Variants in THOP1 observed in about 807,000 individuals in gnomAD.
THOP1 encodes thimet oligopeptidase.
A neutral mutation model predicts 71.8 loss-of-function variants in THOP1; 49 were observed. That is an observed-to-expected ratio of 0.68 (90% CI 0.54 to 0.87). THOP1 has a LOEUF of 0.87. Ranked by LOEUF, THOP1 falls within the 40% of genes least tolerant of loss-of-function variation. THOP1 has a pLI of 0.00. For missense variants in THOP1, 843 were observed against 975.6 expected, an observed-to-expected ratio of 0.86 and a Z score of 1.81; for synonymous variants, 426 against 421.5, an observed-to-expected ratio of 1.01 and a Z score of -0.13.
Position 2,785,696 on chromosome 19 carries a change from C to G in THOP1, c.16+18C>G. On this transcript the variant is annotated intron_variant, in intron 1 of 12. Coordinates refer to ENST00000307741, the MANE Select transcript of THOP1 (RefSeq NM_003249.5). ...CCCCGCAGGTACCGACTACCCCGCT[C>G]GCCGGACCCGGGCGTCCCCTGCACC... 1 of 1,444,152 alleles carries G rather than the reference C, an allele frequency of 6.9e-7. No homozygotes were observed. The highest frequency in any genetic ancestry group is 9.2e-7 in the Non-Finnish European group (1 of 1,092,838). The allele number at this position is 1,444,152 out of a possible 1,614,324, so 89.5% of individuals were successfully genotyped here. A position where few individuals can be genotyped will look rare whatever the true frequency, so the allele number is the denominator to read the frequency against.
In THOP1 at chr19:2,807,776, G is replaced by A; in HGVS notation, c.1221G>A (p.Val407=). 6.5e-7 allele frequency: 1 copy of A among 1,533,430 alleles called. No homozygotes were observed. Among genetic ancestry groups the A allele is most frequent in the Non-Finnish European group, 8.8e-7 (1 of 1,137,486 alleles). The allele number at this position is 1,533,430 out of a possible 1,614,324, so 95.0% of individuals were successfully genotyped here. Residue 407 remains valine (V), a synonymous_variant, in exon 8 of 13, where the codon GTG becomes GTA. Coordinates refer to ENST00000307741, the MANE Select transcript of THOP1 (RefSeq NM_003249.5). ...YTARDAASGE[V]VGKFYLDLYP... is the part of the protein sequence containing the mutation. Reference sequence around the variant, plus strand: ...CGAGGGACGCGGCCTCGGGGGAGGTGGTCGGCAAGTTCTACCTGGACCTGT... The same window carrying A: ...CGAGGGACGCGGCCTCGGGGGAGGTAGTCGGCAAGTTCTACCTGGACCTGT...
At chr19:2,808,198 G>A (rs763993040) in intron 8 of THOP1, 45 bp from the exon 9 acceptor site, 165 of 1,526,502 alleles carry the variant, frequency 1.1e-4, no homozygotes, top group Middle Eastern at 4.2e-4. Flanking sequence ...GGACTCTTGC[G>A]GTGTCTCTAG....
Position 2,810,275 on chromosome 19 carries a change from C to T in THOP1, c.1456-29C>T, listed in dbSNP as rs112329923. ...GGGAACGGGCTAGGCAGGACCTGGG[C>T]ACTCTGAGGCTCTGCCCCATCCCTG... is the stretch of plus-strand genomic sequence containing the variant. On this transcript the variant is annotated intron_variant, in intron 9 of 12. Coordinates refer to ENST00000307741, the MANE Select transcript of THOP1 (RefSeq NM_003249.5). The T allele has an allele frequency of 8.5e-3, 13,567 of 1,602,986 alleles. 919 individuals carry two copies. The African/African-American group carries it at 0.15, about 18-fold the overall frequency.
In THOP1 at chr19:2,804,730, G is replaced by C. The variant is rs1246106799; in HGVS notation, c.590-286G>C. On this transcript the variant is annotated intron_variant, in intron 5 of 12. Coordinates refer to ENST00000307741, the MANE Select transcript of THOP1 (RefSeq NM_003249.5). The surrounding 1 kb of genome is among the most constrained non-coding windows in gnomAD (Gnocchi z 4.7). Reference sequence around the variant, plus strand: ...TTTAGCTTTAACCTCTCTGGGGCAGGAGATCCTGCTCTGAGGATGCTGGGG... The same window carrying C: ...TTTAGCTTTAACCTCTCTGGGGCAGCAGATCCTGCTCTGAGGATGCTGGGG... The C allele has an allele frequency of 2.8e-6, 1 of 356,374 alleles. No individual in the cohort carries two copies. The highest frequency in any genetic ancestry group is 5.1e-6 in the Non-Finnish European group (1 of 196,734). 22.1% of individuals were successfully genotyped at this position (356,374 alleles called of 1,614,324 possible).
rs1915967505 is a variant in THOP1, at chr19:2,794,638, G to A, written c.230-126G>A. On this transcript the variant is annotated intron_variant, in intron 2 of 12. Coordinates refer to ENST00000307741, the MANE Select transcript of THOP1 (RefSeq NM_003249.5). Reference sequence around the variant, plus strand: ...TGCCTCTAGTCCCAGCTACTTGGGAGGCTGAGGCAGGAGAGAGTTCACGGG... The same window carrying A: ...TGCCTCTAGTCCCAGCTACTTGGGAAGCTGAGGCAGGAGAGAGTTCACGGG... 3 of 1,206,610 alleles carry A rather than the reference G, an allele frequency of 2.5e-6. No individual in the cohort carries two copies. In the Admixed American group the frequency reaches 6.3e-5, roughly 25 times the overall value. 74.7% of individuals were successfully genotyped at this position (1,206,610 alleles called of 1,614,324 possible).
chr19:2,804,684 A>C lies in THOP1; in HGVS notation c.590-332A>C, dbSNP rs73522802. On this transcript the variant is annotated intron_variant, in intron 5 of 12. Coordinates refer to ENST00000307741, the MANE Select transcript of THOP1 (RefSeq NM_003249.5). This position sits in a 1 kb window ranked among gnomAD's most constrained non-coding sequence, Gnocchi z 4.7. ...GGTGACGGCGCCCTGGAAGCCCACG[A>C]TGTCCGGGGGTTGGGCTGGATTTAG... 0.045 allele frequency: 9,979 copies of C among 220,608 alleles called. 901 individuals carry two copies. Among genetic ancestry groups the C allele is most frequent in the African/African-American group, 0.2 (8,877 of 43,386 alleles). The allele number at this position is 220,608 out of a possible 1,614,324, so 13.7% of individuals were successfully genotyped here.
Position 2,813,338 on chromosome 19 carries a change from C to G in THOP1, c.*62C>G. 12 of 1,504,346 alleles carry G rather than the reference C, an allele frequency of 8.0e-6. No homozygotes were observed. The highest frequency in any genetic ancestry group is 1.1e-5 in the Non-Finnish European group (12 of 1,123,990). 93.2% of individuals were successfully genotyped at this position (1,504,346 alleles called of 1,614,324 possible). A position where few individuals can be genotyped will look rare whatever the true frequency, so the allele number is the denominator to read the frequency against. ...CCCGCCGCCCTGGTGCCTTAGCCCC[C>G]GGCACAGGATGGGGCAGGCTCTGGC... On this transcript the variant is annotated 3_prime_UTR_variant, in exon 13 of 13. Coordinates refer to ENST00000307741, the MANE Select transcript of THOP1 (RefSeq NM_003249.5).
At chr19:2,789,731 T>A (rs1294145220) in intron 1 of THOP1, among the ~76,000 whole-genome samples, 1 of 151,712 alleles carries the variant, frequency 6.6e-6, no homozygotes, top group Non-Finnish European at 1.5e-5. Context: ...GTGCATGGTG[T>A]CTCCACTCTA....
Position 2,807,468 on chromosome 19 carries a change from C to T in THOP1, c.913C>T (p.Leu305=). ...TGAGCTGGCGCAGAAGCTGAAGCCC[C>T]TGGGGGAGCAGGAGCGTGCGGTGAT... ...LDELAQKLKP[L]GEQERAVILE... is the part of the protein sequence containing the mutation. The change falls in exon 8 of 13, where the codon CTG becomes TTG. Residue 305 remains leucine (L), a synonymous_variant. Transcript: ENST00000307741. 6.2e-7 allele frequency: 1 copy of T among 1,602,516 alleles called. No homozygotes were observed. Among genetic ancestry groups the T allele is most frequent in the Non-Finnish European group, 8.5e-7 (1 of 1,173,674 alleles).
intron 4 of THOP1, among the ~76,000 whole-genome samples, chr19:2,797,797 C>T (rs780678938): frequency 1.3e-5 from 2 of 152,206 alleles, no homozygotes; most frequent in Non-Finnish European, 2.9e-5. Flanking sequence ...CAGGCTGCAG[C>T]CATAGCCCCA....
At chr19:2,795,979 C>G in intron 3 of THOP1, 102 bp from the exon 4 acceptor site, 1 of 841,262 alleles carries the variant, frequency 1.2e-6, no homozygotes, top group East Asian at 2.7e-5. Context: ...GTTGCCAAGT[C>G]ACACGGGGGC....
intron 2 of THOP1, among the ~76,000 whole-genome samples, chr19:2,791,184 C>T (rs1465402479): frequency 6.6e-6 from 1 of 152,204 alleles, no homozygotes; most frequent in African/African-American, 2.4e-5. Flanking sequence ...CTTGGGGTCC[C>T]TGTGCTCACG....
At chr19:2,790,336 C>A in intron 1 of THOP1, 85 bp from the exon 2 acceptor site, 1 of 1,293,012 alleles carries the variant, frequency 7.7e-7, no homozygotes, top group Non-Finnish European at 1.0e-6. Context: ...GCGGGTGATC[C>A]CTTCCTTTCC....
rs199869368 is a variant in THOP1, at chr19:2,799,787, G to A, written c.585G>A (p.Glu195=). The change falls in exon 5 of 13, where the codon GAG becomes GAA. Residue 195 remains glutamate (E), a synonymous_variant. Coordinates refer to ENST00000307741, the MANE Select transcript of THOP1 (RefSeq NM_003249.5). ...DTTFLPFTLQ[E]LGGLPEDFLN... is the part of the protein sequence containing the mutation. ...CCTTCCTGCCCTTCACGCTCCAGGA[G>A]CTAGGTAGGGGCCGAGCAGTGGGGC... 3.5e-5 allele frequency: 57 copies of A among 1,613,598 alleles called. No individual in the cohort carries two copies. Among genetic ancestry groups the A allele is most frequent in the Non-Finnish European group, 2.3e-5 (27 of 1,179,820 alleles).
At position 2,811,576 on chromosome 19, in the gene THOP1, C is replaced by G. The variant is rs200726999; in HGVS notation, c.1772-22C>G. On this transcript the variant is annotated intron_variant, in intron 11 of 12. Coordinates refer to ENST00000307741, the MANE Select transcript of THOP1 (RefSeq NM_003249.5). The stretch of plus-strand genomic sequence containing the variant: ...CATGGGGTGGGGGCTACAGCGTGAA[C>G]CCTGCCATGTGTCCGCCCCAGGAAC... The G allele has an allele frequency of 1.9e-6, 3 of 1,608,156 alleles. No homozygotes were observed. In the African/African-American group the frequency reaches 4.0e-5, roughly 21 times the overall value.
rs1916260469 is a variant in THOP1 at position 2,805,165 on chromosome 19, C to CA, written c.739_740insA (p.Arg247GlnfsTer51). 1 of 1,611,678 alleles carries CA rather than the reference C, an allele frequency of 6.2e-7. No homozygotes were observed. The highest frequency in any genetic ancestry group is 1.3e-5 in the African/African-American group (1 of 75,028). On this transcript the variant is annotated frameshift_variant, in exon 6 of 13. Coordinates refer to ENST00000307741, the MANE Select transcript of THOP1 (RefSeq NM_003249.5). LOFTEE classifies it high-confidence loss of function. This position sits in a 1 kb window ranked among gnomAD's most constrained non-coding sequence, Gnocchi z 6.6. ...GAAAGTGGAGGAGGCCTTCAACTGC[C>CA]GGTGCAAGGAGGTGAGAAGGCACGG...
At chr19:2,793,444 C>T (rs747217440) in intron 2 of THOP1, among the ~76,000 whole-genome samples, 6 of 152,094 alleles carry the variant, frequency 3.9e-5, no homozygotes, top group Non-Finnish European at 7.3e-5. Flanking sequence ...GTAATCCCTG[C>T]ACATTGGGAG....
chr19:2,807,997 C>T, intron 8 of THOP1, 189 bp downstream of exon 8: 3 of 803,266 alleles, frequency 3.7e-6, no homozygotes, highest in South Asian at 2.0e-5. Context: ...TCCAGTCTCA[C>T]TCAGCCACCC....
Position 2,810,419 on chromosome 19 carries a change from A to T in THOP1, c.1571A>T (p.His524Leu), listed in dbSNP as rs2144784037. Residue 524 changes from histidine (H) to leucine (L), a missense_variant, in exon 10 of 13, where the codon CAC becomes CTC. Transcript: ENST00000307741. ...EQEPLLRMSR[H>L]YRTGSAVPRE... ...GAGCCGCTGCTGCGGATGTCGCGGCACTACCGCACAGGCAGCGCCGTGCCC... is the reference window on the plus strand; with the variant it reads ...GAGCCGCTGCTGCGGATGTCGCGGCTCTACCGCACAGGCAGCGCCGTGCCC... The T allele has an allele frequency of 6.2e-7, 1 of 1,607,068 alleles. No individual in the cohort carries two copies. Among genetic ancestry groups the T allele is most frequent in the East Asian group, 2.2e-5 (1 of 44,660 alleles).
Sources: allele counts gnomAD v4.1 joint callset (sites outside exome capture counted in the v4.1 genomes callset), GRCh38; gene constraint gnomAD v4.1.1; non-coding constraint Gnocchi (gnomAD v3.1); transcripts MANE v1.5; gene names NCBI Gene and HGNC (gene_info 2026-07-23, HGNC 2026-07-21).